The following ZNF385D variants were observed in gnomAD, a reference collection of about 807,000 sequenced individuals.
The protein encoded by ZNF385D is zinc finger protein 659.
Under a neutral mutation model 35.8 loss-of-function variants are expected in ZNF385D, and 15 were observed. That is an observed-to-expected ratio of 0.42 (90% CI 0.28 to 0.64). ZNF385D has a LOEUF of 0.64. Ranked by LOEUF, ZNF385D falls within the 30% of genes least tolerant of loss-of-function variation. ZNF385D has a pLI of 0.23. For synonymous variants in ZNF385D, 212 were observed against 186.8 expected (o/e 1.13, Z -1.10); for missense variants, 474 against 494.6 (o/e 0.96, Z 0.39).
At chr3:21,672,766 A>G (rs181413459) in intron 1 of ZNF385D, among the ~76,000 whole-genome samples, 1 of 152,316 alleles carries the variant, frequency 6.6e-6, no homozygotes, top group East Asian at 1.9e-4. Context: ...TGTCACTGTC[A>G]TTAAATGCCA....
At chr3:22,154,749 A>C (rs759875364) in intron 3 of ZNF385D, among the ~76,000 whole-genome samples, 1 of 152,186 alleles carries the variant, frequency 6.6e-6, no homozygotes, top group Non-Finnish European at 1.5e-5. Flanking sequence ...GTGATAAACA[A>C]GTCTCTGGCA....
chr3:22,041,376 T>C (rs1020010017), intron 3 of ZNF385D, among the ~76,000 whole-genome samples: 4 of 152,024 alleles, frequency 2.6e-5, no homozygotes, highest in Non-Finnish European at 5.9e-5. Flanking sequence ...ACCACAGGAA[T>C]TGCAAGTTGG....
intron 3 of ZNF385D, among the ~76,000 whole-genome samples, chr3:21,895,484 T>C (rs1314333445): frequency 6.6e-6 from 1 of 150,560 alleles, no homozygotes; most frequent in Non-Finnish European, 1.5e-5. Context: ...CATAGCACCA[T>C]GCCTGGCTAA....
In ZNF385D at chr3:21,425,501, T is replaced by C. The variant is rs375068613; in HGVS notation, c.843A>G (p.Gln281=). Residue 281 remains glutamine (Q), a synonymous_variant, in exon 6 of 8, where the codon CAA becomes CAG. Transcript: ENST00000281523. ...ICDVHVNSET[Q]LKQHISSRRH... Reference sequence around the variant, plus strand: ...AATACGTGCTGTTTACCTGTTTAAGTTGCGTTTCCGAGTTGACGTGCACAT... The same window carrying C: ...AATACGTGCTGTTTACCTGTTTAAGCTGCGTTTCCGAGTTGACGTGCACAT... 5.6e-6 allele frequency: 9 copies of C among 1,598,700 alleles called. No homozygotes were observed. In the South Asian group the frequency reaches 6.8e-5, roughly 12 times the overall value.
At chr3:22,325,748 A>T (rs1694646234) in intron 2 of ZNF385D, among the ~76,000 whole-genome samples, 1 of 151,942 alleles carries the variant, frequency 6.6e-6, no homozygotes, top group African/African-American at 2.4e-5. Context: ...ACAGAGCGAG[A>T]CTCTGTCTCA....
At chr3:22,203,593 T>C (rs777530280) in intron 2 of ZNF385D, among the ~76,000 whole-genome samples, 51 of 152,240 alleles carry the variant, frequency 3.3e-4, no homozygotes, top group Admixed American at 1.1e-3. Flanking sequence ...ATGGCATTTG[T>C]GGACCCATCA....
chr3:22,038,210 G>C (rs934403880), intron 3 of ZNF385D, among the ~76,000 whole-genome samples: 1 of 152,062 alleles, frequency 6.6e-6, no homozygotes, highest in African/African-American at 2.4e-5. Flanking sequence ...ACACATGAAG[G>C]AGTTTTCTTG....
intron 2 of ZNF385D, among the ~76,000 whole-genome samples, chr3:22,189,263 G>C (rs1462705937): frequency 6.6e-6 from 1 of 152,084 alleles, no homozygotes; most frequent in African/African-American, 2.4e-5. Flanking sequence ...GCAAGTGATG[G>C]ATTAACTTCC....
At chr3:21,570,086 TA>T (rs909927873) in intron 2 of ZNF385D, among the ~76,000 whole-genome samples, 41 of 148,728 alleles carry the variant, frequency 2.8e-4, no homozygotes, top group African/African-American at 4.7e-4. Context: ...AATTACACCT[TA>T]AAAAAAAAGA....
chr3:22,088,991 A>T (rs1160654951), intron 3 of ZNF385D, among the ~76,000 whole-genome samples: 1 of 152,200 alleles, frequency 6.6e-6, no homozygotes, highest in East Asian at 1.9e-4. Flanking sequence ...GAAGATTGTA[A>T]ATTGTAACAT....
chr3:22,256,732 A>G (rs1700337989), intron 2 of ZNF385D, among the ~76,000 whole-genome samples: 1 of 151,894 alleles, frequency 6.6e-6, no homozygotes, highest in African/African-American at 2.4e-5. Context: ...TCTTTATTAT[A>G]TATGTACTCA....
rs113050648 is a variant in ZNF385D, at chr3:22,106,101, A to T, written c.325+62716T>A. On this transcript the variant is annotated intron_variant, in intron 3 of 5. Coordinates refer to the ZNF385D transcript ENST00000494108. ...TGAAACTCTGACTTCAGCAAGAGAAATTCTGATTTGATAGGACTAAAGCAG... is the reference window on the plus strand; with the variant it reads ...TGAAACTCTGACTTCAGCAAGAGAATTTCTGATTTGATAGGACTAAAGCAG... Among the ~76,000 whole-genome samples, 206 of 152,244 alleles carry T rather than the reference A, an allele frequency of 1.4e-3. 1 individual carries two copies. The highest frequency in any genetic ancestry group is 4.1e-3 in the Admixed American group (63 of 15,280).
At chr3:21,787,895 T>G (rs1298309964) in intron 3 of ZNF385D, among the ~76,000 whole-genome samples, 2 of 134,360 alleles carry the variant, frequency 1.5e-5, no homozygotes, top group Non-Finnish European at 3.0e-5. Flanking sequence ...AGAGGCGAGA[T>G]CGAGCCACTG....
intron 2 of ZNF385D, among the ~76,000 whole-genome samples, chr3:22,345,018 T>C (rs887521854): frequency 3.3e-5 from 5 of 152,204 alleles, no homozygotes; most frequent in African/African-American, 1.2e-4. Flanking sequence ...GGAAACCTTA[T>C]TCTGAGAAAC....
At chr3:21,798,399 T>C (rs1034622290) in intron 3 of ZNF385D, among the ~76,000 whole-genome samples, 10 of 152,132 alleles carry the variant, frequency 6.6e-5, no homozygotes, top group African/African-American at 2.4e-4. Flanking sequence ...TTTGTGCTTT[T>C]TGTATCTCTA....
intron 3 of ZNF385D, among the ~76,000 whole-genome samples, chr3:21,886,099 C>T (rs1325487431): frequency 1.3e-5 from 2 of 152,098 alleles, no homozygotes; most frequent in Non-Finnish European, 2.9e-5. Flanking sequence ...ATAAAATTAA[C>T]CATCACATAG....
chr3:21,435,380 G>A (rs989355919), intron 5 of ZNF385D, among the ~76,000 whole-genome samples: 6 of 149,898 alleles, frequency 4.0e-5, no homozygotes, highest in Non-Finnish European at 7.4e-5. Context: ...ACCTCAGCCT[G>A]CTGAGTAGCT....
chr3:21,977,380 G>C (rs1198017583), intron 3 of ZNF385D, among the ~76,000 whole-genome samples: 8 of 152,034 alleles, frequency 5.3e-5, no homozygotes, highest in African/African-American at 1.9e-4. Context: ...GGTTGTCTAG[G>C]GGGTTCCACA....
chr3:22,083,590 C>T (rs1159463303), intron 3 of ZNF385D, among the ~76,000 whole-genome samples: 1 of 152,072 alleles, frequency 6.6e-6, no homozygotes, highest in Non-Finnish European at 1.5e-5. Flanking sequence ...TGTGAAAAGA[C>T]CAAATCTATG....
Sources: gnomAD v4.1 joint callset for allele counts (sites outside exome capture counted in the v4.1 genomes callset) on GRCh38, gnomAD v4.1.1 for gene constraint, MANE v1.5 for transcripts, NCBI Gene and HGNC (gene_info 2026-07-23, HGNC 2026-07-21) for gene names.